The following SLC30A7 variants were observed in gnomAD, a reference collection of about 807,000 sequenced individuals.
SLC30A7 encodes zinc transporter 7.
A neutral mutation model predicts 46.0 loss-of-function variants in SLC30A7; 35 were observed. That is an observed-to-expected ratio of 0.76 (90% CI 0.58 to 1.01). The LOEUF is 1.01. Among genes scored for constraint, SLC30A7 ranks in the 50% least tolerant of loss-of-function variants. The probability of loss-of-function intolerance (pLI) is 0.00; values close to 1 mark genes in which losing one functional copy is unlikely to be tolerated. For missense variants in SLC30A7, 464 were observed against 451.1 expected (o/e 1.03, Z -0.26); for synonymous variants, 147 against 157.8 (o/e 0.93, Z 0.51).
chr1:100,937,385 T>A (rs1465172096), intron 8 of SLC30A7, among the ~76,000 whole-genome samples: 1 of 152,214 alleles, frequency 6.6e-6, no homozygotes, highest in Non-Finnish European at 1.5e-5. Context: ...CAGTTTACAT[T>A]TTCACCTACA....
intron 2 of SLC30A7, 80 bp from the exon 3 acceptor site, chr1:100,906,772 G>T (rs1437367519): frequency 4.4e-6 from 4 of 913,924 alleles, no homozygotes; most frequent in East Asian, 2.4e-5. Flanking sequence ...ATGAACAAAG[G>T]CTGAATCTTA....
intron 2 of SLC30A7, among the ~76,000 whole-genome samples, chr1:100,899,871 A>G (rs1651192452): frequency 6.6e-6 from 1 of 151,766 alleles, no homozygotes; most frequent in South Asian, 2.1e-4. Flanking sequence ...TGCTTTCACT[A>G]AAATTTTATC....
the SLC30A7 span, chr1:100,995,286 G>GT: frequency 3.7e-6 from 2 of 543,852 alleles, no homozygotes; most frequent in East Asian, 6.2e-5. Flanking sequence ...CTTTCTTACA[G>GT]TAACATAGAG....
At chr1:100,988,099 T>G in the SLC30A7 span, among the ~76,000 whole-genome samples, 1 of 152,124 alleles carries the variant, frequency 6.6e-6, no homozygotes, top group South Asian at 2.1e-4. Context: ...ATGCACGGTT[T>G]GAGAGTTAGC....
intron 8 of SLC30A7, among the ~76,000 whole-genome samples, chr1:100,927,805 G>A (rs1351018605): frequency 6.6e-6 from 1 of 152,166 alleles, no homozygotes; most frequent in African/African-American, 2.4e-5. Flanking sequence ...TTAAAAAAAA[G>A]TGTTAGGTTC....
rs529720665 is a variant in SLC30A7 at position 100,896,269 on chromosome 1, C to A, written c.7C>A (p.Pro3Thr). ML[P>T]LSIKDDEYKP... ...CCTTCGCCGGGCAGAGAAGATGTTG[C>A]CCCTGTCCATCAAAGACGATGAATA... is the stretch of plus-strand genomic sequence containing the variant. Residue 3 changes from proline to threonine, a missense_variant, in exon 1 of 11, where the codon CCC (proline) becomes ACC (threonine). By Grantham distance (38) the Pro-to-Thr change is conservative. Coordinates refer to ENST00000357650, the MANE Select transcript of SLC30A7 (RefSeq NM_133496.5). 89 of 1,614,220 alleles carry A rather than the reference C, an allele frequency of 5.5e-5. 2 individuals carry two copies. The South Asian group carries it at 9.2e-4, about 17-fold the overall frequency.
intron 2 of SLC30A7, among the ~76,000 whole-genome samples, chr1:100,897,830 TA>T (rs910024142): frequency 2.6e-5 from 4 of 152,192 alleles, no homozygotes; most frequent in Non-Finnish European, 5.9e-5. Context: ...AATCTTAATA[TA>T]TGTAATAACC....
chr1:100,928,016 G>A (rs1166907619), intron 8 of SLC30A7, among the ~76,000 whole-genome samples: 2 of 152,134 alleles, frequency 1.3e-5, no homozygotes, highest in Non-Finnish European at 2.9e-5. Flanking sequence ...GATAAGCTTA[G>A]CATATAGAGA....
the SLC30A7 span, among the ~76,000 whole-genome samples, chr1:100,994,671 C>T: frequency 6.6e-6 from 1 of 152,034 alleles, no homozygotes; most frequent in African/African-American, 2.4e-5. Flanking sequence ...AGATTAAAGG[C>T]ACGTGCCACC....
chr1:100,963,817 A>T (rs1370340248), intron 9 of SLC30A7, among the ~76,000 whole-genome samples: 2 of 152,186 alleles, frequency 1.3e-5, no homozygotes, highest in African/African-American at 4.8e-5. Flanking sequence ...GAACATGTGC[A>T]TTAACTGATG....
chr1:100,983,154 C>A (rs1368927204), downstream of SLC30A7, among the ~76,000 whole-genome samples: 1 of 152,122 alleles, frequency 6.6e-6, no homozygotes, highest in Non-Finnish European at 1.5e-5. Flanking sequence ...AAATGCATTT[C>A]ATTCCCTCCT....
At chr1:100,909,461 C>G (rs1651936999) in intron 3 of SLC30A7, among the ~76,000 whole-genome samples, 1 of 152,040 alleles carries the variant, frequency 6.6e-6, no homozygotes, top group African/African-American at 2.4e-5. Context: ...TGTACCTATA[C>G]TTAAATCTTT....
rs1179486874 is a variant in SLC30A7 at position 100,976,442 on chromosome 1, G to C, written c.*1585G>C. On this transcript the variant is annotated 3_prime_UTR_variant, in exon 11 of 11. Coordinates refer to ENST00000357650, the MANE Select transcript of SLC30A7 (RefSeq NM_133496.5). ...CAGGTATCTAGGAAGTAAGTGCTGAGTTGATTTTCTAGGTTCTTACGTATT... is the reference window on the plus strand; with the variant it reads ...CAGGTATCTAGGAAGTAAGTGCTGACTTGATTTTCTAGGTTCTTACGTATT... The C allele has an allele frequency of 1.3e-5, 2 of 152,206 alleles. No homozygotes were observed. Among genetic ancestry groups the C allele is most frequent in the Non-Finnish European group, 2.9e-5 (2 of 68,040 alleles). The allele number at this position is 152,206 out of a possible 1,614,324, so 9.4% of individuals were successfully genotyped here.
In SLC30A7 at chr1:100,978,430, C is replaced by T. The variant is rs1464225713; in HGVS notation, c.*3573C>T. The T allele has an allele frequency of 1.3e-5, 2 of 152,104 alleles. No individual in the cohort carries two copies. The highest frequency in any genetic ancestry group is 4.8e-5 in the African/African-American group (2 of 41,430). 9.4% of individuals were successfully genotyped at this position (152,104 alleles called of 1,614,324 possible). On this transcript the variant is annotated 3_prime_UTR_variant, in exon 11 of 11. Coordinates refer to ENST00000357650, the MANE Select transcript of SLC30A7 (RefSeq NM_133496.5). ...GTTATGTAATTCCAAAACTTAAGAA[C>T]CATATTTACATTGCTTAACACAGAA...
the SLC30A7 span, among the ~76,000 whole-genome samples, chr1:100,991,265 C>A: frequency 2.0e-5 from 3 of 152,176 alleles, no homozygotes; most frequent in Admixed American, 6.5e-5. Flanking sequence ...TAGTATTATT[C>A]ACTCTGGTGC....
intron 8 of SLC30A7, among the ~76,000 whole-genome samples, chr1:100,927,063 G>A (rs531779822): frequency 1.5e-3 from 233 of 152,318 alleles, no homozygotes; most frequent in African/African-American, 5.3e-3. Flanking sequence ...GAAGGGCAGT[G>A]TAACTGGAGC....
At chr1:100,961,347 C>G (rs890668167) in intron 8 of SLC30A7, among the ~76,000 whole-genome samples, 1 of 152,182 alleles carries the variant, frequency 6.6e-6, no homozygotes, top group African/African-American at 2.4e-5. Context: ...CACATGCAGA[C>G]TTTTGGGCAC....
intron 10 of SLC30A7, among the ~76,000 whole-genome samples, chr1:100,969,640 A>T (rs957003926): frequency 1.3e-5 from 2 of 152,204 alleles, no homozygotes; most frequent in Non-Finnish European, 2.9e-5. Flanking sequence ...TGGAAACTGC[A>T]TTTGAGCTTT....
intron 6 of SLC30A7, among the ~76,000 whole-genome samples, chr1:100,917,872 A>G (rs573514941): frequency 1.1e-4 from 17 of 152,290 alleles, no homozygotes; most frequent in Admixed American, 9.8e-4. Context: ...GAAATACTCC[A>G]TACTTTTGAT....
Sources: allele counts gnomAD v4.1 joint callset (sites outside exome capture counted in the v4.1 genomes callset), GRCh38; gene constraint gnomAD v4.1.1; transcripts MANE v1.5; gene names NCBI Gene and HGNC (gene_info 2026-07-23, HGNC 2026-07-21).